Variants in REEP3 observed in about 807,000 individuals in gnomAD.
REEP3 encodes receptor accessory protein 3.
A neutral mutation model predicts 41.3 loss-of-function variants in REEP3; 20 were observed. The observed-to-expected ratio is 0.48, with a 90% CI of 0.34 to 0.70. The LOEUF (loss-of-function observed/expected upper bound fraction) is 0.70, where lower values mean the gene tolerates loss of function less well. Ranked by LOEUF, REEP3 falls within the 30% of genes least tolerant of loss-of-function variation. The pLI, the probability that REEP3 is intolerant of heterozygous loss-of-function variation, is 0.01. For synonymous variants in REEP3, 104 were observed against 101.8 expected (o/e 1.02, Z -0.13); for missense variants, 271 against 308.8 (o/e 0.88, Z 0.92).
chr10:63,545,816 G>A (rs1325340332), intron 1 of REEP3, among the ~76,000 whole-genome samples: 5 of 150,794 alleles, frequency 3.3e-5, no homozygotes, highest in South Asian at 2.1e-4. Context: ...AAGCCACTGC[G>A]CCCAGCCTCA....
chr10:63,530,449 A>G (rs1398719335), intron 1 of REEP3, among the ~76,000 whole-genome samples: 1 of 151,994 alleles, frequency 6.6e-6, no homozygotes, highest in East Asian at 1.9e-4. Context: ...AAATAGGAAC[A>G]ATGATGTTTT....
intron 2 of REEP3, among the ~76,000 whole-genome samples, chr10:63,572,443 G>A (rs956614191): frequency 6.6e-6 from 1 of 152,002 alleles, no homozygotes; most frequent in African/African-American, 2.4e-5. Flanking sequence ...CATGCATTAG[G>A]TATTTGTCCT....
At chr10:63,562,003 A>G (rs541739554) in intron 1 of REEP3, among the ~76,000 whole-genome samples, 1 of 152,354 alleles carries the variant, frequency 6.6e-6, no homozygotes, top group Admixed American at 6.5e-5. Flanking sequence ...CTTTGGGATT[A>G]TATCTAGTGT....
At chr10:63,606,364 T>C (rs111884861) in intron 5 of REEP3, among the ~76,000 whole-genome samples, 93 of 150,454 alleles carry the variant, frequency 6.2e-4, no homozygotes, top group African/African-American at 1.9e-3. Flanking sequence ...CTTTCTTTCT[T>C]TGTCTTTCTT....
chr10:63,547,311 G>A (rs962743862), intron 1 of REEP3, among the ~76,000 whole-genome samples: 2 of 152,084 alleles, frequency 1.3e-5, no homozygotes, highest in African/African-American at 2.4e-5. Context: ...AATGACAAAT[G>A]GGAAAACACT....
chr10:63,547,151 A>C (rs898450344), intron 1 of REEP3, among the ~76,000 whole-genome samples: 32 of 151,434 alleles, frequency 2.1e-4, no homozygotes, highest in African/African-American at 7.8e-4. Flanking sequence ...CAAACTCCTG[A>C]CCTCGTGATC....
At chr10:63,576,447 T>C (rs10761786) in intron 2 of REEP3, among the ~76,000 whole-genome samples, 72,947 of 151,988 alleles carry the variant, frequency 0.48, 17,838 homozygotes, top group South Asian at 0.57. Flanking sequence ...TTGCCAGCAC[T>C]TCAGTCTACC....
chr10:63,531,834 A>G (rs1010236310), intron 1 of REEP3, among the ~76,000 whole-genome samples: 1 of 152,228 alleles, frequency 6.6e-6, no homozygotes, highest in African/African-American at 2.4e-5. Flanking sequence ...ATTCACAAGT[A>G]TCTTAGGATA....
At position 63,599,862 on chromosome 10, in the gene REEP3, G is replaced by T. The variant is rs116440834; in HGVS notation, c.417+579G>T. ...TTGCATTATGGTTTTGGATTTCTTT[G>T]CATGTTGTAATTTGTGTGATTTATT... On this transcript the variant is annotated intron_variant, in intron 5 of 7. Coordinates refer to ENST00000373758, the MANE Select transcript of REEP3 (RefSeq NM_001001330.3). The T allele has an allele frequency of 5.0e-3, 845 of 170,198 alleles. 3 individuals carry two copies. Among genetic ancestry groups the T allele is most frequent in the African/African-American group, 0.019 (795 of 41,818 alleles). 10.5% of individuals were successfully genotyped at this position (170,198 alleles called of 1,614,324 possible). A position where few individuals can be genotyped will look rare whatever the true frequency, so the allele number is the denominator to read the frequency against.
chr10:63,595,637 C>A (rs1956107212), intron 3 of REEP3, among the ~76,000 whole-genome samples: 1 of 151,784 alleles, frequency 6.6e-6, no homozygotes, highest in African/African-American at 2.4e-5. Context: ...AGTGCAGTGG[C>A]ACGATCTCGG....
intron 2 of REEP3, among the ~76,000 whole-genome samples, chr10:63,577,894 C>A (rs527561872): frequency 5.9e-5 from 9 of 152,176 alleles, no homozygotes; most frequent in African/African-American, 2.2e-4. Context: ...TTCCTGGTTC[C>A]AAAATTCTTA....
intron 1 of REEP3, among the ~76,000 whole-genome samples, chr10:63,563,201 C>G (rs1027778063): frequency 1.3e-5 from 2 of 152,092 alleles, no homozygotes; most frequent in Admixed American, 6.5e-5. Flanking sequence ...CAGGGTAGCC[C>G]TAGCAAACTA....
At chr10:63,556,631 TTTG>T (rs1564477646) in intron 1 of REEP3, among the ~76,000 whole-genome samples, 7 of 27,658 alleles carry the variant, frequency 2.5e-4, no homozygotes, top group African/African-American at 5.1e-4. Flanking sequence ...TTTTTGTTGT[TTTG>T]TTTTTTTTTT....
chr10:63,531,363 T>C (rs550026461), intron 1 of REEP3, among the ~76,000 whole-genome samples: 8 of 152,234 alleles, frequency 5.3e-5, no homozygotes, highest in African/African-American at 9.6e-5. Context: ...CTCCTGTGCA[T>C]TGTGGGATGT....
At chr10:63,572,880 A>G (rs1955865365) in intron 2 of REEP3, among the ~76,000 whole-genome samples, 2 of 152,188 alleles carry the variant, frequency 1.3e-5, no homozygotes, top group South Asian at 4.1e-4. Context: ...GTAAATATCA[A>G]ATATTGTGCT....
chr10:63,602,476 G>A (rs1188332122), intron 5 of REEP3, among the ~76,000 whole-genome samples: 1 of 152,112 alleles, frequency 6.6e-6, no homozygotes, highest in Non-Finnish European at 1.5e-5. Flanking sequence ...ATATTTAAAA[G>A]CATCCTTCAA....
intron 1 of REEP3, among the ~76,000 whole-genome samples, chr10:63,536,964 TAATC>T (rs1955480345): frequency 6.6e-6 from 1 of 152,232 alleles, no homozygotes; most frequent in Admixed American, 6.5e-5. Flanking sequence ...CTTATAGTGT[TAATC>T]ACTCACATAC....
At chr10:63,575,075 C>T (rs1175469994) in intron 2 of REEP3, among the ~76,000 whole-genome samples, 4 of 151,880 alleles carry the variant, frequency 2.6e-5, no homozygotes, top group Admixed American at 6.6e-5. Flanking sequence ...AAGCTGGTCT[C>T]GAACTCCTGA....
chr10:63,538,561 C>T (rs571294684), intron 1 of REEP3, among the ~76,000 whole-genome samples: 1 of 152,220 alleles, frequency 6.6e-6, no homozygotes. Context: ...TGGCAAAACC[C>T]TGTCTCTACT....
Sources: allele counts gnomAD v4.1 joint callset (sites outside exome capture counted in the v4.1 genomes callset), GRCh38; gene constraint gnomAD v4.1.1; transcripts MANE v1.5; gene names NCBI Gene and HGNC (gene_info 2026-07-23, HGNC 2026-07-21).